CA10: variants seen among roughly 807,000 people sequenced by gnomAD.
CA10 encodes carbonic anhydrase-related protein 10.
CA10 carries 14 observed loss-of-function variants against 44.2 expected under a neutral mutation model. The ratio of observed to expected loss-of-function variants is 0.32; its 90% CI spans 0.21 to 0.50. The LOEUF (loss-of-function observed/expected upper bound fraction) is 0.50, where lower values mean the gene tolerates loss of function less well. Among genes scored for constraint, CA10 ranks in the 20% least tolerant of loss-of-function variants. The pLI is 0.99. For synonymous variants in CA10, 159 were observed against 141.6 expected (o/e 1.12, Z -0.87); for missense variants, 350 against 409.7 (o/e 0.85, Z 1.26).
At chr17:51,669,296 A>G (rs1250168493) in intron 4 of CA10, among the ~76,000 whole-genome samples, 1 of 152,132 alleles carries the variant, frequency 6.6e-6, no homozygotes, top group African/African-American at 2.4e-5. Context: ...GGGTTTGTGG[A>G]TGCACCAATC....
rs547389365 is a variant in CA10, at chr17:52,045,518, G to T, written c.136+26801C>A. On this transcript the variant is annotated intron_variant, in intron 2 of 8. Coordinates refer to ENST00000451037, the MANE Select transcript of CA10 (RefSeq NM_020178.5). ...TAACATGAGTAGGAATAAAATATATGACATTAATACCACAGAGCCAAGAGG... is the reference window on the plus strand; with the variant it reads ...TAACATGAGTAGGAATAAAATATATTACATTAATACCACAGAGCCAAGAGG... Among the ~76,000 whole-genome samples the T allele has an allele frequency of 1.2e-3, 184 of 152,018 alleles. 4 individuals are homozygous for T. In the South Asian group the frequency reaches 0.022, roughly 19 times the overall value.
chr17:51,798,731 A>G (rs562388082), intron 3 of CA10, among the ~76,000 whole-genome samples: 2 of 152,360 alleles, frequency 1.3e-5, no homozygotes, highest in African/African-American at 4.8e-5. Context: ...AGGCAAGAGA[A>G]GTCAGAGAAG....
chr17:51,905,045 G>C (rs1981482630), intron 3 of CA10, among the ~76,000 whole-genome samples: 1 of 152,136 alleles, frequency 6.6e-6, no homozygotes, highest in Non-Finnish European at 1.5e-5. Flanking sequence ...CAGCACGATA[G>C]ATAATTGTAA....
chr17:51,867,490 C>A (rs968118142), intron 3 of CA10, among the ~76,000 whole-genome samples: 8 of 152,082 alleles, frequency 5.3e-5, no homozygotes, highest in Non-Finnish European at 1.0e-4. Context: ...AAGTCTCAGT[C>A]TCCTCTATAA....
intron 3 of CA10, among the ~76,000 whole-genome samples, chr17:51,885,720 T>G (rs1031805253): frequency 9.2e-5 from 14 of 152,208 alleles, no homozygotes; most frequent in African/African-American, 2.2e-4. Flanking sequence ...GGGAGATCTT[T>G]CAGACAGGGG....
chr17:51,650,937 T>C (rs1913539657), intron 5 of CA10, among the ~76,000 whole-genome samples: 1 of 152,118 alleles, frequency 6.6e-6, no homozygotes, highest in Non-Finnish European at 1.5e-5. Context: ...TGAGCTTAAG[T>C]GGGAAGTTAA....
At chr17:51,884,167 G>T (rs764323483) in intron 3 of CA10, among the ~76,000 whole-genome samples, 6 of 152,108 alleles carry the variant, frequency 3.9e-5, no homozygotes, top group Non-Finnish European at 4.4e-5. Flanking sequence ...TCAAGACACA[G>T]CCACCCTTTC....
At chr17:52,045,253 A>G (rs2319638) in intron 2 of CA10, among the ~76,000 whole-genome samples, 120,327 of 150,952 alleles carry the variant, frequency 0.8, 48,486 homozygotes, top group African/African-American at 0.9. Context: ...AGCCCATTTC[A>G]GAAAAAAATA....
In CA10 at chr17:51,854,188, G is replaced by A. The variant is rs939212327; in HGVS notation, c.279+76802C>T. 7.2e-5 allele frequency among the ~76,000 whole-genome samples: 11 copies of A among 152,110 alleles called. No homozygotes were observed. In the South Asian group the frequency reaches 1.5e-3, roughly 20 times the overall value. ...GGTTTTCTTTCTCCACCTTCCTCACGAGATTACTCTGGCCAATGAGTGGTC... is the reference window on the plus strand; with the variant it reads ...GGTTTTCTTTCTCCACCTTCCTCACAAGATTACTCTGGCCAATGAGTGGTC... On this transcript the variant is annotated intron_variant, in intron 3 of 8. Coordinates refer to ENST00000451037, the MANE Select transcript of CA10 (RefSeq NM_020178.5).
chr17:51,734,275 A>T (rs28569372), intron 4 of CA10, among the ~76,000 whole-genome samples: 2,982 of 152,076 alleles, frequency 0.02, 105 homozygotes, highest in African/African-American at 0.068. Context: ...AATGGTTTAT[A>T]CGTGATGGCA....
chr17:51,930,921 G>C (rs952763638), intron 3 of CA10, 69 bp downstream of exon 3: 1 of 1,569,108 alleles, frequency 6.4e-7, no homozygotes, highest in African/African-American at 1.4e-5. Context: ...CTGAAGCCTT[G>C]AGGATTAGCT....
At chr17:52,001,785 G>A (rs1011934065) in intron 2 of CA10, among the ~76,000 whole-genome samples, 10 of 151,980 alleles carry the variant, frequency 6.6e-5, no homozygotes, top group African/African-American at 2.4e-4. Flanking sequence ...CAGATTTTAA[G>A]TTTCTACCAT....
intron 3 of CA10, among the ~76,000 whole-genome samples, chr17:51,909,955 T>G (rs527401160): frequency 6.6e-6 from 1 of 152,282 alleles, no homozygotes; most frequent in South Asian, 2.1e-4. Context: ...TTCGCTTCAA[T>G]TTTAAAAATT....
At chr17:52,013,969 A>C (rs1985888376) in intron 2 of CA10, among the ~76,000 whole-genome samples, 1 of 151,962 alleles carries the variant, frequency 6.6e-6, no homozygotes. Context: ...TTAAGTGAAT[A>C]TAAATAGAAC....
At chr17:52,019,143 A>G (rs1405308933) in intron 2 of CA10, among the ~76,000 whole-genome samples, 1 of 152,082 alleles carries the variant, frequency 6.6e-6, no homozygotes, top group East Asian at 1.9e-4. Context: ...TCTTTTCTTT[A>G]TAAATTACAA....
At chr17:51,876,798 A>AGCTATTTTTCAGGGCATCTGT (rs1980101510) in intron 3 of CA10, among the ~76,000 whole-genome samples, 1 of 152,154 alleles carries the variant, frequency 6.6e-6, no homozygotes, top group Non-Finnish European at 1.5e-5. Flanking sequence ...GAAGCTGCCA[A>AGCTATTTTTCAGGGCATCTGT]GCTATTTTTC....
At chr17:52,103,347 C>T (rs1343652308) in intron 1 of CA10, among the ~76,000 whole-genome samples, 1 of 152,212 alleles carries the variant, frequency 6.6e-6, no homozygotes, top group East Asian at 1.9e-4. Context: ...CAGTCACTCT[C>T]CCAGTCGTCC....
chr17:52,099,399 G>C (rs896407233), intron 1 of CA10, among the ~76,000 whole-genome samples: 5 of 152,174 alleles, frequency 3.3e-5, no homozygotes, highest in Non-Finnish European at 7.4e-5. Flanking sequence ...TGATCATTGA[G>C]GTTTTTGGAT....
At chr17:52,053,548 C>T (rs750261356) in intron 2 of CA10, among the ~76,000 whole-genome samples, 11 of 151,814 alleles carry the variant, frequency 7.2e-5, no homozygotes, top group Non-Finnish European at 1.5e-4. Flanking sequence ...ATATAATTGT[C>T]AAAATTTAAG....
Sources: gnomAD v4.1 joint callset for allele counts (sites outside exome capture counted in the v4.1 genomes callset) on GRCh38, gnomAD v4.1.1 for gene constraint, MANE v1.5 for transcripts, NCBI Gene and HGNC (gene_info 2026-07-23, HGNC 2026-07-21) for gene names.